The following MSTO1 variants were observed in gnomAD, a reference collection of about 807,000 sequenced individuals.
MSTO1 encodes misato mitochondrial distribution and morphology regulator 1, also known as protein misato homolog 1.
MSTO1 carries 24 observed loss-of-function variants against 55.7 expected under a neutral mutation model. The ratio of observed to expected loss-of-function variants is 0.43; its 90% confidence interval spans 0.31 to 0.61. The LOEUF is 0.61. Among genes scored for constraint, MSTO1 ranks in the 20% least tolerant of loss-of-function variants. The probability of loss-of-function intolerance (pLI) is 0.09; values close to 1 mark genes in which losing one functional copy is unlikely to be tolerated. For synonymous variants in MSTO1, 162 were observed against 252.8 expected, an observed-to-expected ratio of 0.64 and a Z score of 3.41; for missense variants, 363 against 625.7, an observed-to-expected ratio of 0.58 and a Z score of 4.48.
At chr1:155,581,055 T>C in the MSTO1 span, among the ~76,000 whole-genome samples, 1 of 152,198 alleles carries the variant, frequency 6.6e-6, no homozygotes, top group Non-Finnish European at 1.5e-5. Context: ...CAAAAAAATG[T>C]CTTTTTACAT....
chr1:155,573,036 G>GC, the MSTO1 span, among the ~76,000 whole-genome samples: 1 of 152,098 alleles, frequency 6.6e-6, no homozygotes, highest in Admixed American at 6.6e-5. Flanking sequence ...TCGCACAGTG[G>GC]CTTTTTGGAG....
upstream of MSTO1, among the ~76,000 whole-genome samples, chr1:155,608,267 G>T (rs1288378548): frequency 6.6e-6 from 1 of 152,248 alleles, no homozygotes; most frequent in East Asian, 1.9e-4. Context: ...GCGCTGAAGC[G>T]ATCCTCTCAC....
chr1:155,609,924 A>T, upstream of MSTO1: 1 of 381,204 alleles, frequency 2.6e-6, no homozygotes, highest in Non-Finnish European at 4.8e-6. Context: ...CAAGACAAGT[A>T]GGAAGCAGAG....
chr1:155,589,594 G>T, the MSTO1 span, among the ~76,000 whole-genome samples: 1 of 152,214 alleles, frequency 6.6e-6, no homozygotes, highest in Non-Finnish European at 1.5e-5. Flanking sequence ...GAAGCTGACA[G>T]TGCAGCCTTC....
At chr1:155,610,196 A>G, upstream of MSTO1, 1 of 878,862 alleles carries the variant, frequency 1.1e-6, no homozygotes, top group South Asian at 1.6e-5. Context: ...CCAATCGGCT[A>G]GGAGCAGCGA....
At chr1:155,579,210 G>A in the MSTO1 span, among the ~76,000 whole-genome samples, 2 of 152,006 alleles carry the variant, frequency 1.3e-5, no homozygotes, top group Admixed American at 1.3e-4. Context: ...CTACTCGGGA[G>A]GCCGAGGCGG....
chr1:155,606,513 G>T (rs569023169), upstream of MSTO1, among the ~76,000 whole-genome samples: 11 of 151,736 alleles, frequency 7.2e-5, no homozygotes, highest in South Asian at 2.3e-3. Context: ...TTCTGCCCCA[G>T]CCTCCCGAGG....
chr1:155,582,341 G>A, the MSTO1 span, among the ~76,000 whole-genome samples: 1 of 152,186 alleles, frequency 6.6e-6, no homozygotes, highest in South Asian at 2.1e-4. Flanking sequence ...AGTATTAGTG[G>A]CATTCAGCCT....
At chr1:155,592,919 C>CTT in the MSTO1 span, among the ~76,000 whole-genome samples, 2 of 141,924 alleles carry the variant, frequency 1.4e-5, no homozygotes, top group African/African-American at 5.2e-5. Flanking sequence ...AGTTTACTTT[C>CTT]TTTTTTTTTT....
At chr1:155,603,290 A>G in the MSTO1 span, among the ~76,000 whole-genome samples, 1 of 151,956 alleles carries the variant, frequency 6.6e-6, no homozygotes, top group Admixed American at 6.6e-5. Context: ...CCAGCTACTC[A>G]GGGGGCTGAG....
chr1:155,591,387 G>A, the MSTO1 span: 2 of 727,554 alleles, frequency 2.7e-6, no homozygotes, highest in East Asian at 2.7e-5. Flanking sequence ...AGAAACTGCA[G>A]GATGTTCATT....
chr1:155,609,005 T>C (rs893616334), upstream of MSTO1, among the ~76,000 whole-genome samples: 5 of 149,552 alleles, frequency 3.3e-5, no homozygotes, highest in Non-Finnish European at 5.9e-5. Context: ...TTTGTATTTT[T>C]AGTAGAGACC....
upstream of MSTO1, among the ~76,000 whole-genome samples, chr1:155,609,244 T>TATATATATATATATATA (rs1553289697): frequency 4.0e-4 from 6 of 15,070 alleles, no homozygotes; most frequent in South Asian, 6.1e-3. Context: ...TATATATATA[T>TATATATATATATATATA]TTTTTTTTTT....
chr1:155,584,691 A>AAAAAAAAAAAAAAAAG, the MSTO1 span, among the ~76,000 whole-genome samples: 15 of 75,610 alleles, frequency 2.0e-4, 1 homozygote, highest in Non-Finnish European at 2.6e-4. Context: ...AAAAAAAAAA[A>AAAAAAAAAAAAAAAAG]AAAGAAAGAA....
the MSTO1 span, among the ~76,000 whole-genome samples, chr1:155,575,798 T>TA: frequency 2.3e-5 from 3 of 131,442 alleles, no homozygotes; most frequent in Non-Finnish European, 3.2e-5. Flanking sequence ...TATTTTATTT[T>TA]TATTTATTTA....
At chr1:155,579,646 TG>T in the MSTO1 span, among the ~76,000 whole-genome samples, 1 of 152,218 alleles carries the variant, frequency 6.6e-6, no homozygotes, top group Non-Finnish European at 1.5e-5. Context: ...CATAATAACG[TG>T]TACCTGATGG....
chr1:155,605,258 CACAAAACAAAACAAA>C (rs112109642), upstream of MSTO1, among the ~76,000 whole-genome samples: 10 of 151,022 alleles, frequency 6.6e-5, no homozygotes, highest in Non-Finnish European at 1.0e-4. Flanking sequence ...AAGACTCCAT[CACAAAACAAAACAAA>C]ACAAAACAAA....
the MSTO1 span, among the ~76,000 whole-genome samples, chr1:155,567,349 T>G: frequency 6.6e-6 from 1 of 150,788 alleles, no homozygotes; most frequent in Non-Finnish European, 1.5e-5. Flanking sequence ...TCTCGTTCTG[T>G]CGCCCAGGCG....
In MSTO1 at chr1:155,612,175, C is replaced by T. The variant is rs112951003; in HGVS notation, c.679-7C>T. The T allele has an allele frequency of 8.5e-5, 137 of 1,613,864 alleles. No individual in the cohort carries two copies. The highest frequency in any genetic ancestry group is 3.3e-4 in the Middle Eastern group (2 of 5,976). Reference sequence around the variant, plus strand: ...CTAACTATCTTTTGTCACTCACCCCCGTCCAGGGCTTCCAGATCCTGTGTG... The same window carrying T: ...CTAACTATCTTTTGTCACTCACCCCTGTCCAGGGCTTCCAGATCCTGTGTG... On this transcript the variant is annotated splice_polypyrimidine_tract_variant and splice_region_variant and intron_variant, in intron 7 of 13. Coordinates refer to ENST00000245564, the MANE Select transcript of MSTO1 (RefSeq NM_018116.4).
Sources: allele counts gnomAD v4.1 joint callset (sites outside exome capture counted in the v4.1 genomes callset), GRCh38; gene constraint gnomAD v4.1.1; transcripts MANE v1.5; gene names NCBI Gene and HGNC (gene_info 2026-07-23, HGNC 2026-07-21).